Variants in RFX3 observed in about 807,000 individuals in gnomAD.
The protein encoded by RFX3 is regulatory factor X3.
In RFX3, 14 loss-of-function variants were observed where a neutral mutation model predicts 98.6. That is an observed-to-expected ratio of 0.14 (90% CI 0.09 to 0.22). The LOEUF (loss-of-function observed/expected upper bound fraction) is 0.22, where lower values mean the gene tolerates loss of function less well. RFX3 is among the 10% of genes least tolerant of loss of function. The pLI, the probability that RFX3 is intolerant of heterozygous loss-of-function variation, is 1.00. For missense variants in RFX3, 639 were observed against 926.9 expected (o/e 0.69, Z 4.03); for synonymous variants, 383 against 328.4 (o/e 1.17, Z -1.80).
At chr9:3,366,084 G>A (rs571338246) in intron 2 of RFX3, among the ~76,000 whole-genome samples, 3 of 151,962 alleles carry the variant, frequency 2.0e-5, no homozygotes, top group Non-Finnish European at 4.4e-5. Context: ...ATGTAGGCTC[G>A]CAGCAGCTGA....
At chr9:3,300,830 C>CAA (rs2130039860) in intron 5 of RFX3, among the ~76,000 whole-genome samples, 1 of 151,934 alleles carries the variant, frequency 6.6e-6, no homozygotes, top group Non-Finnish European at 1.5e-5. Flanking sequence ...ATGAGAACAG[C>CAA]TGATAAAAAT....
At chr9:3,406,681 C>G (rs1168156787) in intron 1 of RFX3, among the ~76,000 whole-genome samples, 3 of 152,178 alleles carry the variant, frequency 2.0e-5, no homozygotes, top group Admixed American at 6.5e-5. Context: ...GAATATGCTG[C>G]ACCAGAGGCA....
intron 1 of RFX3, among the ~76,000 whole-genome samples, chr9:3,425,375 T>C (rs989214373): frequency 2.6e-5 from 4 of 152,262 alleles, no homozygotes; most frequent in African/African-American, 9.6e-5. Context: ...TATGGTCATG[T>C]ATTTTCTCCA....
chr9:3,337,808 C>T (rs1328285283), intron 3 of RFX3, among the ~76,000 whole-genome samples: 3 of 152,090 alleles, frequency 2.0e-5, no homozygotes, highest in Admixed American at 2.0e-4. Context: ...TTAAATAGGC[C>T]AGAGTTGGTT....
intron 3 of RFX3, among the ~76,000 whole-genome samples, chr9:3,332,042 T>C (rs191972718): frequency 6.6e-6 from 1 of 152,190 alleles, no homozygotes; most frequent in South Asian, 2.1e-4. Flanking sequence ...TTGGAAATTA[T>C]TGCTTACTCT....
intron 4 of RFX3, among the ~76,000 whole-genome samples, chr9:3,311,265 G>C (rs1430779339): frequency 6.6e-6 from 1 of 152,136 alleles, no homozygotes; most frequent in Non-Finnish European, 1.5e-5. Flanking sequence ...GTTTGTATTT[G>C]AAATCAGGTA....
At chr9:3,410,589 A>T (rs1469130576) in intron 1 of RFX3, among the ~76,000 whole-genome samples, 1 of 152,192 alleles carries the variant, frequency 6.6e-6, no homozygotes, top group South Asian at 2.1e-4. Flanking sequence ...GGGGTGTGAG[A>T]TGGAAACCTT....
At chr9:3,389,007 G>A (rs1456184651) in intron 2 of RFX3, among the ~76,000 whole-genome samples, 1 of 151,976 alleles carries the variant, frequency 6.6e-6, no homozygotes, top group Non-Finnish European at 1.5e-5. Flanking sequence ...AAACTTAAAA[G>A]GGAGGAAAAA....
chr9:3,275,435 T>C, intron 9 of RFX3, 65 bp downstream of exon 9: 1 of 904,998 alleles, frequency 1.1e-6, no homozygotes. Context: ...AGCTTGATTA[T>C]TTTATATTAG....
At chr9:3,500,687 CA>C (rs1815903332) in intron 1 of RFX3, among the ~76,000 whole-genome samples, 1 of 151,996 alleles carries the variant, frequency 6.6e-6, no homozygotes, top group South Asian at 2.1e-4. Flanking sequence ...TGATATTTCC[CA>C]AATAAGAACA....
At chr9:3,409,432 C>T (rs989502672) in intron 1 of RFX3, among the ~76,000 whole-genome samples, 1 of 152,008 alleles carries the variant, frequency 6.6e-6, no homozygotes, top group Non-Finnish European at 1.5e-5. Context: ...AATTCTACTG[C>T]GAAATATCAG....
intron 13 of RFX3, among the ~76,000 whole-genome samples, chr9:3,258,063 C>T (rs1425689711): frequency 2.0e-5 from 3 of 151,982 alleles, no homozygotes; most frequent in Non-Finnish European, 1.5e-5. Flanking sequence ...TCTTTGGTAA[C>T]GTAATATTTG....
At chr9:3,334,945 T>C (rs1465117466) in intron 3 of RFX3, among the ~76,000 whole-genome samples, 3 of 151,560 alleles carry the variant, frequency 2.0e-5, no homozygotes, top group African/African-American at 7.3e-5. Context: ...CACGGTGAAA[T>C]TTGTCTTTAC....
Position 3,225,674 on chromosome 9 carries a change from A to C in RFX3, c.2012-394T>G, listed in dbSNP as rs116216361. Among the ~76,000 whole-genome samples, 1,043 of 152,206 alleles carry C rather than the reference A, an allele frequency of 6.9e-3. 15 individuals carry two copies. The highest frequency in any genetic ancestry group is 0.024 in the African/African-American group (1,001 of 41,516). Reference sequence around the variant, plus strand: ...CTGAGCTGAAAACGCAAACACAAAAAAAGTGTTGTTTCCTCCAAAAATCTA... The same window carrying C: ...CTGAGCTGAAAACGCAAACACAAAACAAGTGTTGTTTCCTCCAAAAATCTA... On this transcript the variant is annotated intron_variant, in intron 16 of 16. Transcript: ENST00000617270.
intron 2 of RFX3, among the ~76,000 whole-genome samples, chr9:3,366,690 T>TATCC (rs1837136350): frequency 7.9e-6 from 1 of 127,282 alleles, no homozygotes; most frequent in Non-Finnish European, 1.6e-5. Context: ...TTCTTCTTTC[T>TATCC]TTCCTTTCTT....
At chr9:3,298,380 A>T (rs1303366407) in intron 5 of RFX3, among the ~76,000 whole-genome samples, 1 of 151,884 alleles carries the variant, frequency 6.6e-6, no homozygotes, top group Non-Finnish European at 1.5e-5. Context: ...TTGAAAAGAA[A>T]CAATACAATA....
chr9:3,292,080 A>C lies in RFX3; in HGVS notation c.731+997T>G, dbSNP rs1379727943. 9.7e-3 allele frequency among the ~76,000 whole-genome samples: 1,362 copies of C among 140,526 alleles called. 46 individuals carry two copies. The highest frequency in any genetic ancestry group is 0.021 in the African/African-American group (766 of 36,838). The allele number at this position is 140,526 out of a possible 152,430, so 92.2% of individuals were successfully genotyped here. A position where few individuals can be genotyped will look rare whatever the true frequency, so the allele number is the denominator to read the frequency against. On this transcript the variant is annotated intron_variant, in intron 6 of 16. Transcript: ENST00000617270. ...CCATCTCAAAAAAAAAAAAAAAAAA[A>C]AAAAAAAAAAAAAAAAAAAACTCTT...
chr9:3,233,040 A>G (rs562753558), intron 15 of RFX3, among the ~76,000 whole-genome samples: 1 of 152,330 alleles, frequency 6.6e-6, no homozygotes, highest in Admixed American at 6.5e-5. Context: ...AAGCATGTCT[A>G]TTGTTTGAGA....
chr9:3,444,202 T>C (rs936214776), intron 1 of RFX3, among the ~76,000 whole-genome samples: 2 of 152,216 alleles, frequency 1.3e-5, no homozygotes, highest in African/African-American at 4.8e-5. Flanking sequence ...CATTGTGGTA[T>C]ATCCATGTGA....
Sources: allele counts gnomAD v4.1 joint callset (sites outside exome capture counted in the v4.1 genomes callset), GRCh38; gene constraint gnomAD v4.1.1; transcripts MANE v1.5; gene names NCBI Gene and HGNC (gene_info 2026-07-23, HGNC 2026-07-21).